Variants in DST observed in about 807,000 individuals in gnomAD.
DST encodes the protein bullous pemphigoid antigen.
DST carries 253 observed loss-of-function variants against 875.2 expected under a neutral mutation model. The ratio of observed to expected loss-of-function variants is 0.29; its 90% CI spans 0.26 to 0.32. DST has a LOEUF of 0.32. Among genes scored for constraint, DST ranks in the 10% least tolerant of loss-of-function variants. DST has a pLI of 1.00. For synonymous variants in DST, 3,124 were observed against 3,197.1 expected (o/e 0.98, Z 0.77); for missense variants, 8,287 against 9,111.6 (o/e 0.91, Z 3.68).
intron 3 of DST, among the ~76,000 whole-genome samples, chr6:56,872,324 C>T (rs984266443): frequency 1.3e-5 from 2 of 151,996 alleles, no homozygotes; most frequent in African/African-American, 2.4e-5. Flanking sequence ...AGTATGATAA[C>T]ATTTTTTATT....
rs751619980 is a variant in DST, at chr6:56,555,530, T to C, written c.14951A>G (p.Asn4984Ser). 1.9e-6 allele frequency: 3 copies of C among 1,613,880 alleles called. No homozygotes were observed. The highest frequency in any genetic ancestry group is 2.5e-6 in the Non-Finnish European group (3 of 1,179,900). The change falls in exon 60 of 104, where the codon AAC becomes AGC. Residue 4984 changes from asparagine (N) to serine (S), a missense_variant. By Grantham distance (46) the Asn-to-Ser change is conservative. This residue lies in a region of DST where 1,513 missense variants were observed against 1,677.8 expected (regional missense o/e 0.90). Coordinates refer to ENST00000680361, the MANE Select transcript of DST (RefSeq NM_001374736.1). The part of the protein sequence containing the change: ...LAVSTHPDAM[N>S]QQLETAQKMK... ...TTTTTGGGCTGTTTCCAACTGTTGG[T>C]TCATAGCATCAGGGTGCGTGCTCAC...
intron 9 of DST, among the ~76,000 whole-genome samples, chr6:56,689,483 G>T (rs552425323): frequency 4.6e-5 from 7 of 152,130 alleles, no homozygotes; most frequent in Non-Finnish European, 1.0e-4. Flanking sequence ...ACGAGCAGGT[G>T]CCTAAAACAT....
chr6:56,853,202 T>C (rs1451387617), intron 3 of DST, among the ~76,000 whole-genome samples: 1 of 152,202 alleles, frequency 6.6e-6, no homozygotes, highest in African/African-American at 2.4e-5. Context: ...GGCTAATTTA[T>C]TTATTTACAG....
intron 4 of DST, among the ~76,000 whole-genome samples, chr6:56,779,434 G>C (rs1400452599): frequency 6.6e-6 from 1 of 152,026 alleles, no homozygotes; most frequent in East Asian, 1.9e-4. Flanking sequence ...ATTGCTTTTG[G>C]TGTTTTAGAC....
intron 5 of DST, among the ~76,000 whole-genome samples, chr6:56,721,519 C>T (rs1344700728): frequency 6.6e-6 from 1 of 152,190 alleles, no homozygotes; most frequent in Non-Finnish European, 1.5e-5. Flanking sequence ...AATAAATGTC[C>T]ATGAAATCTT....
chr6:56,819,689 T>C (rs992135332), intron 4 of DST, among the ~76,000 whole-genome samples: 1 of 151,154 alleles, frequency 6.6e-6, no homozygotes, highest in African/African-American at 2.4e-5. Context: ...TTAAAATGTA[T>C]AAAAAATTAA....
At chr6:56,564,531 G>T (rs1206769211) in intron 55 of DST, among the ~76,000 whole-genome samples, 1 of 152,176 alleles carries the variant, frequency 6.6e-6, no homozygotes, top group Non-Finnish European at 1.5e-5. Context: ...GAGACAATTT[G>T]ACTTCCTCTC....
intron 4 of DST, among the ~76,000 whole-genome samples, chr6:56,848,618 A>G (rs964593917): frequency 6.6e-6 from 1 of 152,228 alleles, no homozygotes; most frequent in African/African-American, 2.4e-5. Flanking sequence ...TCTAAATTTC[A>G]TAATTTAGCC....
intron 49 of DST, among the ~76,000 whole-genome samples, chr6:56,591,809 C>A (rs1178728748): frequency 6.6e-6 from 1 of 151,880 alleles, no homozygotes; most frequent in Admixed American, 6.6e-5. Flanking sequence ...CCCGTCTCTA[C>A]TAAAAATACA....
chr6:56,558,206 A>G (rs1584886472), intron 58 of DST, among the ~76,000 whole-genome samples: 1 of 152,170 alleles, frequency 6.6e-6, no homozygotes, highest in African/African-American at 2.4e-5. Flanking sequence ...TCTCAATGCC[A>G]TAACTCCATT....
At chr6:56,947,518 A>T (rs144403386) in intron 2 of DST, among the ~76,000 whole-genome samples, 1 of 152,170 alleles carries the variant, frequency 6.6e-6, no homozygotes, top group Admixed American at 6.5e-5. Flanking sequence ...AAAGTTCTGG[A>T]ATTACAGGCG....
At chr6:56,568,428 T>C (rs763746845) in intron 55 of DST, 41 bp downstream of exon 55, 4 of 1,573,156 alleles carry the variant, frequency 2.5e-6, no homozygotes, top group Admixed American at 4.1e-5. Context: ...TGAGTAAACC[T>C]GATTCTTAGT....
At chr6:56,751,266 AG>A (rs1386062826) in intron 4 of DST, among the ~76,000 whole-genome samples, 1 of 152,218 alleles carries the variant, frequency 6.6e-6, no homozygotes, top group Non-Finnish European at 1.5e-5. Flanking sequence ...CCACAAAAAA[AG>A]ATTACGCATT....
chr6:56,642,627 TC>T (rs2098917524), intron 15 of DST, 124 bp from the exon 16 acceptor site: 1 of 1,613,992 alleles, frequency 6.2e-7, no homozygotes, highest in Non-Finnish European at 8.5e-7. Flanking sequence ...AATACCTGTG[TC>T]CATCAAAGGA....
At chr6:56,801,990 T>C (rs1031776167) in intron 4 of DST, among the ~76,000 whole-genome samples, 5 of 152,148 alleles carry the variant, frequency 3.3e-5, no homozygotes, top group African/African-American at 7.2e-5. Context: ...CCTCAGGTGA[T>C]TGGCCCACCT....
chr6:56,516,106 GTA>G (rs538292640), intron 71 of DST, among the ~76,000 whole-genome samples: 3 of 146,136 alleles, frequency 2.1e-5, no homozygotes, highest in Admixed American at 6.8e-5. Context: ...ATGTGTGTGT[GTA>G]TATATATATA....
chr6:56,678,662 G>C (rs1419904979), intron 9 of DST, among the ~76,000 whole-genome samples: 4 of 152,164 alleles, frequency 2.6e-5, no homozygotes. Flanking sequence ...AGCAGATGCA[G>C]GAAAGCTCTC....
intron 4 of DST, among the ~76,000 whole-genome samples, chr6:56,756,048 C>T (rs558052182): frequency 2.0e-5 from 3 of 152,296 alleles, no homozygotes; most frequent in African/African-American, 7.2e-5. Context: ...AGGAGAAAGA[C>T]GACGGAGTCA....
intron 3 of DST, among the ~76,000 whole-genome samples, chr6:56,893,818 C>T (rs369391715): frequency 2.6e-5 from 1 of 38,372 alleles, no homozygotes; most frequent in Non-Finnish European, 4.5e-5. Context: ...GCATGCTGCC[C>T]TCAAGCATCT....
Sources: gnomAD v4.1 joint callset for allele counts (sites outside exome capture counted in the v4.1 genomes callset) on GRCh38, gnomAD v4.1.1 for gene constraint, gnomAD v4.1.1 regional missense constraint, MANE v1.5 for transcripts, NCBI Gene and HGNC (gene_info 2026-07-23, HGNC 2026-07-21) for gene names.